ITPR2: variants seen among roughly 807,000 people sequenced by gnomAD.
ITPR2 encodes inositol 1,4,5-trisphosphate receptor type 2.
A neutral mutation model predicts 317.1 loss-of-function variants in ITPR2; 207 were observed. The observed-to-expected ratio is 0.65, with a 90% CI of 0.58 to 0.73. The LOEUF (loss-of-function observed/expected upper bound fraction) is 0.73. Ranked by LOEUF, ITPR2 falls within the 30% of genes least tolerant of loss-of-function variation. The probability of loss-of-function intolerance (pLI) is 0.00; values close to 1 mark genes in which losing one functional copy is unlikely to be tolerated. For synonymous variants in ITPR2, 1,156 were observed against 1,149.1 expected (o/e 1.01, Z -0.12); for missense variants, 2,613 against 3,284.0 (o/e 0.80, Z 4.99).
At chr12:26,731,104 T>C (rs1266032642) in intron 2 of ITPR2, among the ~76,000 whole-genome samples, 3 of 140,354 alleles carry the variant, frequency 2.1e-5, no homozygotes, top group Non-Finnish European at 4.6e-5. Flanking sequence ...TGGCCAGCAG[T>C]ATCCTTTGGC....
intron 9 of ITPR2, among the ~76,000 whole-genome samples, chr12:26,702,564 G>A (rs1288555612): frequency 1.3e-5 from 2 of 151,488 alleles, no homozygotes; most frequent in African/African-American, 2.4e-5. Context: ...TCAGCCTCCT[G>A]AGTAGCTGGG....
chr12:26,757,190 G>A (rs1473409897), intron 2 of ITPR2, among the ~76,000 whole-genome samples: 1 of 151,930 alleles, frequency 6.6e-6, no homozygotes, highest in Non-Finnish European at 1.5e-5. Flanking sequence ...TCTGTCTATG[G>A]GGTAGCCATT....
At position 26,475,337 on chromosome 12, in the gene ITPR2, G is replaced by A. The variant is rs762183916; in HGVS notation, c.6301C>T (p.Pro2101Ser). Residue 2101 changes from proline to serine, a missense_variant, in exon 45 of 57, where the codon CCA becomes TCA. Coordinates refer to ENST00000381340, the MANE Select transcript of ITPR2 (RefSeq NM_002223.4). ...DDEGGDDGVS[P>S]KDVGHNIYIL... ...TAGATATTGTGTCCAACATCTTTTG[G>A]AGAAACACCATCATCTCCACCCTCA... is the stretch of plus-strand genomic sequence containing the variant. The A allele has an allele frequency of 3.7e-6, 6 of 1,613,680 alleles. No homozygotes were observed. The highest frequency in any genetic ancestry group is 3.3e-5 in the Admixed American group (2 of 59,996).
chr12:26,602,663 G>A lies in ITPR2; in HGVS notation c.3506C>T (p.Pro1169Leu). 6.2e-7 allele frequency: 1 copy of A among 1,611,478 alleles called. No homozygotes were observed. The highest frequency in any genetic ancestry group is 8.5e-7 in the Non-Finnish European group (1 of 1,178,364). Residue 1169 changes from proline (P) to leucine (L), a missense_variant, in exon 27 of 57, where the codon CCT (proline) becomes CTT (leucine). Pro to Leu is a moderately conservative substitution (Grantham distance 98). Coordinates refer to ENST00000381340, the MANE Select transcript of ITPR2 (RefSeq NM_002223.4). ...ATTGCTCTTGTTGCTGTCAATCTGA[G>A]GTTTCTTTGTTCCATCCTGCACTGG... is the stretch of plus-strand genomic sequence containing the variant. ...LSPVQDGTKK[P>L]QIDSNKSNNY...
Position 26,715,398 on chromosome 12 carries a change from A to G in ITPR2, c.756T>C (p.Thr252=). The part of the protein sequence containing the change: ...LFHAEQEKFL[T]CDEYEKKQHI... ...GCTGTTTTTTCTCATATTCATCACA[A>G]GTCAAAAACTTCTCTTGTTCCGCAT... The change falls in exon 8 of 57, where the codon ACT becomes ACC. Residue 252 remains threonine, a synonymous_variant. Transcript: ENST00000381340. 1.2e-6 allele frequency: 2 copies of G among 1,613,650 alleles called. No homozygotes were observed. Among genetic ancestry groups the G allele is most frequent in the Non-Finnish European group, 1.7e-6 (2 of 1,179,670 alleles).
intron 37 of ITPR2, among the ~76,000 whole-genome samples, chr12:26,516,195 G>C (rs1189779961): frequency 5.7e-5 from 5 of 87,262 alleles, no homozygotes; most frequent in Non-Finnish European, 1.2e-4. Flanking sequence ...GGAGGCGGGG[G>C]AGGGAAGGGG....
intron 2 of ITPR2, among the ~76,000 whole-genome samples, chr12:26,760,331 T>C (rs1413272935): frequency 6.6e-6 from 1 of 152,248 alleles, no homozygotes; most frequent in Non-Finnish European, 1.5e-5. Context: ...ATAAATGTGC[T>C]AGTTACTTTA....
intron 55 of ITPR2, among the ~76,000 whole-genome samples, chr12:26,351,448 C>A (rs1418400798): frequency 6.6e-6 from 1 of 152,220 alleles, no homozygotes; most frequent in Non-Finnish European, 1.5e-5. Context: ...AAGCGGGAAA[C>A]ATTCTGCCCA....
At chr12:26,407,422 T>C (rs897748046) in intron 52 of ITPR2, among the ~76,000 whole-genome samples, 1 of 152,234 alleles carries the variant, frequency 6.6e-6, no homozygotes, top group Admixed American at 6.5e-5. Context: ...CACTAGATGC[T>C]AGTAGCACCC....
intron 41 of ITPR2, among the ~76,000 whole-genome samples, chr12:26,484,931 G>A (rs1277380475): frequency 3.3e-5 from 5 of 152,136 alleles, no homozygotes; most frequent in African/African-American, 1.2e-4. Flanking sequence ...TGGCCAGGAT[G>A]GTCTCGATCT....
chr12:26,711,648 T>C (rs958063891), intron 8 of ITPR2, among the ~76,000 whole-genome samples: 1 of 152,256 alleles, frequency 6.6e-6, no homozygotes, highest in Non-Finnish European at 1.5e-5. Context: ...AACACAGCAG[T>C]GGATAAAGCT....
rs1408435675 is a variant in ITPR2, at chr12:26,487,060, T to C, written c.5554+8A>G. On this transcript the variant is annotated splice_region_variant and intron_variant, in intron 40 of 56. Coordinates refer to ENST00000381340, the MANE Select transcript of ITPR2 (RefSeq NM_002223.4). ...TCTGTTCTCCCAAATACTCAAATAC[T>C]TCTTTACCTCTCATTCGTGGACCAG... The C allele has an allele frequency of 1.9e-6, 3 of 1,609,484 alleles. No individual in the cohort carries two copies. The highest frequency in any genetic ancestry group is 2.2e-5 in the East Asian group (1 of 44,808).
At chr12:26,549,099 C>T (rs1944459551) in intron 37 of ITPR2, among the ~76,000 whole-genome samples, 1 of 152,158 alleles carries the variant, frequency 6.6e-6, no homozygotes, top group African/African-American at 2.4e-5. Context: ...CCACAATCTA[C>T]AGCAATATTT....
At chr12:26,369,626 G>C (rs1485298431) in intron 55 of ITPR2, among the ~76,000 whole-genome samples, 2 of 152,176 alleles carry the variant, frequency 1.3e-5, no homozygotes, top group Non-Finnish European at 2.9e-5. Flanking sequence ...GTATAATAAA[G>C]ACTTATACTA....
intron 37 of ITPR2, among the ~76,000 whole-genome samples, chr12:26,498,778 A>T (rs1453612434): frequency 6.6e-6 from 1 of 152,206 alleles, no homozygotes; most frequent in East Asian, 1.9e-4. Flanking sequence ...TGTGAAGAGG[A>T]CTGAACCCTT....
At chr12:26,686,331 C>T (rs997159296) in intron 11 of ITPR2, 150 bp downstream of exon 11, 12 of 461,274 alleles carry the variant, frequency 2.6e-5, no homozygotes, top group Admixed American at 4.1e-5. Context: ...TGTTAACCTC[C>T]TCACAGAAGA....
intron 1 of ITPR2, 146 bp downstream of exon 1, chr12:26,832,544 A>G (rs1951132002): frequency 1.9e-6 from 1 of 523,886 alleles, no homozygotes; most frequent in African/African-American, 2.0e-5. Context: ...GAGAGAGCGG[A>G]GCGCACGGCG....
intron 26 of ITPR2, among the ~76,000 whole-genome samples, chr12:26,612,591 T>C (rs1243001101): frequency 6.6e-6 from 1 of 152,202 alleles, no homozygotes; most frequent in Admixed American, 6.5e-5. Flanking sequence ...TTATATTAAT[T>C]CATTATATAG....
intron 1 of ITPR2, among the ~76,000 whole-genome samples, chr12:26,795,575 G>A (rs909050074): frequency 6.6e-6 from 1 of 151,748 alleles, no homozygotes; most frequent in African/African-American, 2.4e-5. Context: ...GTAAAAGACC[G>A]ATAAGTTTGT....
Sources: allele counts gnomAD v4.1 joint callset (sites outside exome capture counted in the v4.1 genomes callset), GRCh38; gene constraint gnomAD v4.1.1; transcripts MANE v1.5; gene names NCBI Gene and HGNC (gene_info 2026-07-23, HGNC 2026-07-21).